Variants in TRPM4 observed in about 807,000 individuals in gnomAD.
TRPM4 encodes the protein transient receptor potential cation channel subfamily M member 4.
Under a neutral mutation model 135.6 loss-of-function variants are expected in TRPM4, and 124 were observed. That is an observed-to-expected ratio of 0.91 (90% CI 0.79 to 1.06). The LOEUF (loss-of-function observed/expected upper bound fraction) is 1.06. TRPM4 is among the 50% of genes least tolerant of loss of function. The pLI is 0.00. For missense variants in TRPM4, 1,658 were observed against 1,671.4 expected, an observed-to-expected ratio of 0.99 and a Z score of 0.14; for synonymous variants, 745 against 705.6, an observed-to-expected ratio of 1.06 and a Z score of -0.88.
intron 16 of TRPM4, among the ~76,000 whole-genome samples, chr19:49,191,505 C>T (rs1261547236): frequency 2.0e-5 from 3 of 151,712 alleles, no homozygotes; most frequent in Non-Finnish European, 4.4e-5. Flanking sequence ...CGGGCCCAGC[C>T]AGGGATTACA....
At chr19:49,169,482 C>T (rs960409865) in intron 6 of TRPM4, among the ~76,000 whole-genome samples, 1 of 150,254 alleles carries the variant, frequency 6.7e-6, no homozygotes, top group Admixed American at 6.6e-5. Flanking sequence ...GGGGTTTCAC[C>T]GTGTTAGCCA....
intron 20 of TRPM4, among the ~76,000 whole-genome samples, chr19:49,209,065 G>T (rs1969255445): frequency 6.6e-6 from 1 of 151,882 alleles, no homozygotes. Flanking sequence ...CTATTAATTT[G>T]GTGTTTGCAT....
chr19:49,165,920 G>T, intron 2 of TRPM4, 121 bp from the exon 3 acceptor site: 1 of 1,043,352 alleles, frequency 9.6e-7, no homozygotes, highest in Non-Finnish European at 1.4e-6. Flanking sequence ...CGTGGACTCT[G>T]CCTGCCTCTG....
In TRPM4 at chr19:49,210,515, AGGGGCG is replaced by A. The variant is rs971287042; in HGVS notation, c.3328+114_3328+119del. The A allele has an allele frequency of 1.3e-5, 19 of 1,462,118 alleles. No individual in the cohort carries two copies. The highest frequency in any genetic ancestry group is 1.7e-5 in the Non-Finnish European group (18 of 1,067,808). The allele number at this position is 1,462,118 out of a possible 1,614,324, so 90.6% of individuals were successfully genotyped here. On this transcript the variant is annotated intron_variant, in intron 21 of 24. Coordinates refer to ENST00000252826, the MANE Select transcript of TRPM4 (RefSeq NM_017636.4). The surrounding 1 kb of genome is among the most constrained non-coding windows in gnomAD (Gnocchi z 4.1). ...ACTAACGGGCGTGGCTTAGGTAGCG[AGGGGCG>A]GGGTTTAAGCAACAAGGGGCGGAGC...
In TRPM4 at chr19:49,171,250, G is replaced by A. The variant is rs1203351071; in HGVS notation, c.797-107G>A. On this transcript the variant is annotated intron_variant, in intron 6 of 24. Coordinates refer to ENST00000252826, the MANE Select transcript of TRPM4 (RefSeq NM_017636.4). The surrounding 1 kb of genome is among the most constrained non-coding windows in gnomAD (Gnocchi z 4.7). ...AATTCCAATGAGCCTCTGAACAGAA[G>A]ATTAGGACAAGGCTGATGTTTGCCG... 8.4e-7 allele frequency: 1 copy of A among 1,183,550 alleles called. No individual in the cohort carries two copies. The highest frequency in any genetic ancestry group is 1.3e-6 in the Non-Finnish European group (1 of 788,622). The allele number at this position is 1,183,550 out of a possible 1,614,324, so 73.3% of individuals were successfully genotyped here. A position where few individuals can be genotyped will look rare whatever the true frequency, so the allele number is the denominator to read the frequency against.
chr19:49,171,412 G>C lies in TRPM4; in HGVS notation c.852G>C (p.Met284Ile). The C allele has an allele frequency of 1.2e-6, 2 of 1,614,086 alleles. No individual in the cohort carries two copies. The change falls in exon 7 of 25, where the codon ATG becomes ATC. Residue 284 changes from methionine to isoleucine, a missense_variant. By Grantham distance (10) the Met-to-Ile change is conservative. Transcript: ENST00000252826. This position sits in a 1 kb window ranked among gnomAD's most constrained non-coding sequence, Gnocchi z 4.7. ...LLLLIDGDEK[M>I]LTRIENATQA... ...TCCTGATTGATGGTGATGAGAAGAT[G>C]TTGACGGTATAGGGGCCCGGATGCC... is the stretch of plus-strand genomic sequence containing the variant.
At chr19:49,180,413 G>A (rs908839584) in intron 9 of TRPM4, among the ~76,000 whole-genome samples, 2 of 147,670 alleles carry the variant, frequency 1.4e-5, no homozygotes, top group African/African-American at 2.5e-5. Context: ...AGTGACTCAC[G>A]TTTGTCATCA....
At chr19:49,175,362 A>G (rs1967645596) in intron 9 of TRPM4, among the ~76,000 whole-genome samples, 1 of 152,024 alleles carries the variant, frequency 6.6e-6, no homozygotes. Flanking sequence ...GGCATGAGCC[A>G]CTGTGCCCAG....
At chr19:49,177,619 C>T (rs2122884406) in intron 9 of TRPM4, among the ~76,000 whole-genome samples, 1 of 152,286 alleles carries the variant, frequency 6.6e-6, no homozygotes, top group South Asian at 2.1e-4. Context: ...AGCCACCACC[C>T]CTGGCCCATG....
chr19:49,194,677 C>G (rs1968562636), intron 16 of TRPM4, among the ~76,000 whole-genome samples: 1 of 144,996 alleles, frequency 6.9e-6, no homozygotes, highest in Non-Finnish European at 1.5e-5. Context: ...CCCTCCCTTC[C>G]TTCCTTCTTT....
intron 19 of TRPM4, among the ~76,000 whole-genome samples, chr19:49,201,052 G>T (rs1220346431): frequency 1.3e-5 from 2 of 150,082 alleles, no homozygotes; most frequent in African/African-American, 2.5e-5. Context: ...TTATTTTGTG[G>T]TGTCGTAAAG....
chr19:49,182,994 G>C, intron 11 of TRPM4, 72 bp downstream of exon 11: 1 of 1,598,106 alleles, frequency 6.3e-7, no homozygotes, highest in Admixed American at 1.7e-5. Flanking sequence ...ATCAGGGATG[G>C]GGCGTGGCCA....
chr19:49,184,036 C>T (rs1968104429), intron 12 of TRPM4, among the ~76,000 whole-genome samples: 2 of 152,180 alleles, frequency 1.3e-5, no homozygotes, highest in Admixed American at 6.5e-5. Flanking sequence ...GCTGGGATTA[C>T]AGGCGTGAGC....
chr19:49,183,568 T>G (rs893130404), intron 12 of TRPM4, among the ~76,000 whole-genome samples: 1 of 151,010 alleles, frequency 6.6e-6, no homozygotes, highest in African/African-American at 2.4e-5. Context: ...GGCTAATTTT[T>G]GTTTTGTTTT....
At chr19:49,205,781 C>G (rs999475393) in intron 20 of TRPM4, among the ~76,000 whole-genome samples, 1 of 151,732 alleles carries the variant, frequency 6.6e-6, no homozygotes, top group African/African-American at 2.4e-5. Context: ...GGTGATGCAC[C>G]TGCCTCGGCC....
At chr19:49,176,084 C>T (rs372442281) in intron 9 of TRPM4, among the ~76,000 whole-genome samples, 39 of 151,168 alleles carry the variant, frequency 2.6e-4, no homozygotes, top group African/African-American at 8.3e-4. Flanking sequence ...CAACCGCACC[C>T]GGCTAATTTT....
rs1296112030 is a variant in TRPM4 at position 49,200,725 on chromosome 19, C to T, written c.2893C>T (p.Arg965Cys). ...RDSDFPSILR[R>C]VFYRPYLQIF... ...CAGTGACTTCCCAAGTATCCTGCGC[C>T]GCGTCTTCTACCGTCCCTACCTGCA... is the stretch of plus-strand genomic sequence containing the variant. Residue 965 changes from arginine (R) to cysteine (C), a missense_variant, in exon 19 of 25, where the codon CGC becomes TGC. Physicochemically the swap from Arg to Cys is radical, Grantham distance 180. Coordinates refer to ENST00000252826, the MANE Select transcript of TRPM4 (RefSeq NM_017636.4). 4 of 1,613,974 alleles carry T rather than the reference C, an allele frequency of 2.5e-6. No homozygotes were observed. The highest frequency in any genetic ancestry group is 1.3e-5 in the African/African-American group (1 of 74,920).
At position 49,181,748 on chromosome 19, in the gene TRPM4, G is replaced by T. The variant is rs1600453254; in HGVS notation, c.1263+287G>T. On this transcript the variant is annotated intron_variant, in intron 10 of 24. Coordinates refer to ENST00000252826, the MANE Select transcript of TRPM4 (RefSeq NM_017636.4). Reference sequence around the variant, plus strand: ...GGGGTTTCACTATGTTAGCCAGGATGGTCTCGATCTCCTGACCTTGTGATC... The same window carrying T: ...GGGGTTTCACTATGTTAGCCAGGATTGTCTCGATCTCCTGACCTTGTGATC... Among the ~76,000 whole-genome samples the T allele has an allele frequency of 3.3e-5, 5 of 151,904 alleles. No homozygotes were observed. The South Asian group carries it at 1.0e-3, about 32-fold the overall frequency.
Position 49,171,829 on chromosome 19 carries a change from T to G in TRPM4, c.1050+60T>G, listed in dbSNP as rs1967472775. 5.1e-6 allele frequency: 8 copies of G among 1,561,644 alleles called. No homozygotes were observed. The highest frequency in any genetic ancestry group is 1.9e-4 in the Middle Eastern group (1 of 5,222). On this transcript the variant is annotated intron_variant, in intron 8 of 24. Coordinates refer to ENST00000252826, the MANE Select transcript of TRPM4 (RefSeq NM_017636.4). This position sits in a 1 kb window ranked among gnomAD's most constrained non-coding sequence, Gnocchi z 4.7. The stretch of plus-strand genomic sequence containing the variant: ...ATGGGAGGGAACTGGGGACTTGGGC[T>G]CCTGGGTCTGAGGGAGGAGGGGCTG...
Sources: gnomAD v4.1 joint callset for allele counts (sites outside exome capture counted in the v4.1 genomes callset) on GRCh38, gnomAD v4.1.1 for gene constraint, Gnocchi (gnomAD v3.1) non-coding constraint, MANE v1.5 for transcripts, NCBI Gene and HGNC (gene_info 2026-07-23, HGNC 2026-07-21) for gene names.